HS3ST5: variants seen among roughly 807,000 people sequenced by gnomAD.
HS3ST5 encodes the protein heparan sulfate-glucosamine 3-sulfotransferase 5.
In HS3ST5, 10 loss-of-function variants were observed where a neutral mutation model predicts 25.4. The ratio of observed to expected loss-of-function variants is 0.39; its 90% confidence interval spans 0.24 to 0.67. The LOEUF is 0.67. HS3ST5 is among the 30% of genes least tolerant of loss of function. The probability of loss-of-function intolerance (pLI) is 0.44; values close to 1 mark genes in which losing one functional copy is unlikely to be tolerated. For synonymous variants in HS3ST5, 170 were observed against 162.4 expected, an observed-to-expected ratio of 1.05 and a Z score of -0.36; for missense variants, 324 against 420.7, an observed-to-expected ratio of 0.77 and a Z score of 2.01.
intron 1 of HS3ST5, among the ~76,000 whole-genome samples, chr6:114,322,811 A>G (rs769571181): frequency 6.6e-4 from 100 of 152,316 alleles, no homozygotes; most frequent in South Asian, 1.2e-3. Flanking sequence ...AATAGTATAG[A>G]CAGTATTAAA....
intron 3 of HS3ST5, among the ~76,000 whole-genome samples, chr6:114,106,195 C>T (rs1007236537): frequency 2.0e-5 from 3 of 151,976 alleles, no homozygotes; most frequent in Non-Finnish European, 4.4e-5. Flanking sequence ...CAGAAATGCA[C>T]GAACTATCCC....
chr6:114,081,981 A>T (rs1007005586), intron 3 of HS3ST5, among the ~76,000 whole-genome samples: 2 of 152,108 alleles, frequency 1.3e-5, no homozygotes, highest in African/African-American at 4.8e-5. Context: ...CATCCCCCAA[A>T]AAAACACTGT....
At chr6:114,238,783 C>A (rs1282965594) in intron 1 of HS3ST5, among the ~76,000 whole-genome samples, 1 of 152,042 alleles carries the variant, frequency 6.6e-6, no homozygotes, top group African/African-American at 2.4e-5. Flanking sequence ...GAGAGAGGAC[C>A]AAGTTTGTTC....
intron 3 of HS3ST5, chr6:114,131,258 A>C (rs572528006): frequency 1.1e-4 from 16 of 152,340 alleles, no homozygotes; most frequent in Admixed American, 7.2e-4. Flanking sequence ...AAAAGGAAAA[A>C]AAAAGGAGGT....
At chr6:114,081,284 C>T (rs756329548) in intron 3 of HS3ST5, among the ~76,000 whole-genome samples, 43 of 151,632 alleles carry the variant, frequency 2.8e-4, no homozygotes, top group Non-Finnish European at 4.0e-4. Flanking sequence ...CACAGAGACA[C>T]GAAATGAGCA....
At chr6:114,283,729 G>C (rs368477839) in intron 1 of HS3ST5, among the ~76,000 whole-genome samples, 12 of 151,916 alleles carry the variant, frequency 7.9e-5, no homozygotes, top group African/African-American at 2.9e-4. Flanking sequence ...AATTCCTAAT[G>C]AGATGTGCAA....
At chr6:114,103,980 C>T (rs1044419353) in intron 3 of HS3ST5, among the ~76,000 whole-genome samples, 7 of 151,268 alleles carry the variant, frequency 4.6e-5, no homozygotes, top group Admixed American at 6.6e-5. Context: ...GAATTACAGG[C>T]GTGAGCCACT....
chr6:114,207,417 A>G (rs1156722877), intron 2 of HS3ST5, among the ~76,000 whole-genome samples: 2 of 152,216 alleles, frequency 1.3e-5, no homozygotes, highest in African/African-American at 4.8e-5. Flanking sequence ...ATATTGAAAC[A>G]AAAAACAATA....
At chr6:114,279,699 GA>G (rs1386683194) in intron 1 of HS3ST5, among the ~76,000 whole-genome samples, 2 of 152,016 alleles carry the variant, frequency 1.3e-5, no homozygotes, top group Non-Finnish European at 2.9e-5. Flanking sequence ...GGAAGGAGCA[GA>G]AGTAGGAGTA....
rs1021513479 is a variant in HS3ST5, at chr6:114,067,716, C to T, written c.-32-4839G>A. Reference sequence around the variant, plus strand: ...CTTACACTGCCCCGTCTGGTTATGGCAGGCCCGGTACGCATTCCAAGGTAC... The same window carrying T: ...CTTACACTGCCCCGTCTGGTTATGGTAGGCCCGGTACGCATTCCAAGGTAC... On this transcript the variant is annotated intron_variant, in intron 3 of 4. Coordinates refer to ENST00000312719, the MANE Select transcript of HS3ST5 (RefSeq NM_153612.4). Among the ~76,000 whole-genome samples the T allele has an allele frequency of 5.3e-5, 8 of 152,136 alleles. No homozygotes were observed. The East Asian group carries it at 1.5e-3, about 29-fold the overall frequency.
chr6:114,071,658 T>C (rs1349026980), intron 3 of HS3ST5, among the ~76,000 whole-genome samples: 2 of 152,226 alleles, frequency 1.3e-5, no homozygotes, highest in Non-Finnish European at 2.9e-5. Flanking sequence ...CCTAAGATTA[T>C]GGCATCTGGA....
rs778713584 is a variant in HS3ST5, at chr6:114,233,199, AT to A, written c.-338-4422del. 9.5e-4 allele frequency among the ~76,000 whole-genome samples: 144 copies of A among 152,310 alleles called. 1 individual carries two copies. The highest frequency in any genetic ancestry group is 1.6e-3 in the Non-Finnish European group (108 of 68,018). On this transcript the variant is annotated intron_variant, in intron 1 of 4. Transcript: ENST00000312719. ...AATCATGAAGCACCTTGTGTTAAAA[AT>A]GTTTCCTTTATATATTATTGTCTGA...
chr6:114,247,329 C>T (rs985340665), intron 1 of HS3ST5, among the ~76,000 whole-genome samples: 3 of 152,120 alleles, frequency 2.0e-5, no homozygotes, highest in Non-Finnish European at 2.9e-5. Flanking sequence ...AGAGTTAACC[C>T]AATGGCTGTC....
At chr6:114,277,391 A>T (rs1773906803) in intron 1 of HS3ST5, among the ~76,000 whole-genome samples, 3 of 145,176 alleles carry the variant, frequency 2.1e-5, no homozygotes, top group Admixed American at 1.4e-4. Flanking sequence ...AGGAAATATT[A>T]GGTTGGTGCA....
chr6:114,068,472 C>T (rs1773596524), intron 3 of HS3ST5, among the ~76,000 whole-genome samples: 1 of 152,208 alleles, frequency 6.6e-6, no homozygotes, highest in Non-Finnish European at 1.5e-5. Flanking sequence ...TTTTCTATAA[C>T]ATTATAAAGC....
At chr6:114,287,599 G>A (rs1313280605) in intron 1 of HS3ST5, among the ~76,000 whole-genome samples, 1 of 152,010 alleles carries the variant, frequency 6.6e-6, no homozygotes, top group African/African-American at 2.4e-5. Context: ...TATCACAGAA[G>A]GTGAAAAAGA....
chr6:114,199,944 T>G (rs1234582831), intron 2 of HS3ST5, among the ~76,000 whole-genome samples: 1 of 152,170 alleles, frequency 6.6e-6, no homozygotes, highest in African/African-American at 2.4e-5. Context: ...CAGGGCACGG[T>G]GGCTCACGCC....
At chr6:114,330,159 G>C (rs578238428) in intron 1 of HS3ST5, among the ~76,000 whole-genome samples, 3 of 152,010 alleles carry the variant, frequency 2.0e-5, no homozygotes, top group East Asian at 3.9e-4. Flanking sequence ...CAAGTGATCA[G>C]CATCTCAAAA....
chr6:114,263,280 T>C (rs1443950853), intron 1 of HS3ST5, among the ~76,000 whole-genome samples: 1 of 152,138 alleles, frequency 6.6e-6, no homozygotes, highest in African/African-American at 2.4e-5. Context: ...TAACTTATTA[T>C]ATACTTTTGT....
Sources: gnomAD v4.1 joint callset for allele counts (sites outside exome capture counted in the v4.1 genomes callset) on GRCh38, gnomAD v4.1.1 for gene constraint, MANE v1.5 for transcripts, NCBI Gene and HGNC (gene_info 2026-07-23, HGNC 2026-07-21) for gene names.